KAZN: variants seen among roughly 807,000 people sequenced by gnomAD.
KAZN encodes the protein kazrin, periplakin interacting protein.
In KAZN, 40 loss-of-function variants were observed where a neutral mutation model predicts 87.4. That is an observed-to-expected ratio of 0.46 (90% CI 0.36 to 0.60). The LOEUF (loss-of-function observed/expected upper bound fraction) is 0.60. Ranked by LOEUF, KAZN falls within the 20% of genes least tolerant of loss-of-function variation. The probability of loss-of-function intolerance (pLI) is 0.00; values close to 1 mark genes in which losing one functional copy is unlikely to be tolerated. For synonymous variants in KAZN, 466 were observed against 458.3 expected (o/e 1.02, Z -0.22); for missense variants, 898 against 1,073.9 (o/e 0.84, Z 2.29).
chr1:14,207,840 G>T (rs929292976), intron 2 of KAZN, among the ~76,000 whole-genome samples: 1 of 152,206 alleles, frequency 6.6e-6, no homozygotes, highest in Non-Finnish European at 1.5e-5. Flanking sequence ...GGCCACACAA[G>T]ACCTGCTGTG....
chr1:14,421,199 C>T (rs887286271), intron 2 of KAZN, among the ~76,000 whole-genome samples: 1 of 152,210 alleles, frequency 6.6e-6, no homozygotes, highest in African/African-American at 2.4e-5. Flanking sequence ...AATTGTTTGC[C>T]CTCATTATTC....
chr1:14,864,373 G>A (rs1467431894), intron 1 of KAZN, among the ~76,000 whole-genome samples: 1 of 152,180 alleles, frequency 6.6e-6, no homozygotes, highest in Non-Finnish European at 1.5e-5. Flanking sequence ...GACCAGCCTG[G>A]CCAATATGGT....
chr1:14,170,728 A>ATT (rs57615340), intron 1 of KAZN, among the ~76,000 whole-genome samples: 65 of 151,414 alleles, frequency 4.3e-4, no homozygotes, highest in African/African-American at 5.8e-4. Flanking sequence ...TTCTGTAATT[A>ATT]TTTTTTTTTC....
chr1:14,858,954 C>T (rs1431843947), intron 1 of KAZN, among the ~76,000 whole-genome samples: 1 of 152,140 alleles, frequency 6.6e-6, no homozygotes, highest in African/African-American at 2.4e-5. Context: ...CGCCTGTAAT[C>T]CCAGCACTTT....
upstream of KAZN, among the ~76,000 whole-genome samples, chr1:14,595,783 TTCTA>T (rs1676474739): frequency 6.6e-6 from 1 of 152,090 alleles, no homozygotes; most frequent in Non-Finnish European, 1.5e-5. Context: ...ATTGCAGACT[TTCTA>T]TCTAAGATCT....
At chr1:14,871,471 T>C (rs1171018560) in intron 1 of KAZN, among the ~76,000 whole-genome samples, 4 of 151,994 alleles carry the variant, frequency 2.6e-5, no homozygotes, top group Non-Finnish European at 4.4e-5. Context: ...GTCGCTCTGG[T>C]CTGGGATTTT....
At chr1:14,147,158 A>C (rs1040250196) in intron 1 of KAZN, among the ~76,000 whole-genome samples, 2 of 152,250 alleles carry the variant, frequency 1.3e-5, no homozygotes, top group Admixed American at 6.5e-5. Context: ...ATATGTGTTA[A>C]TAGATATTTA....
At chr1:14,379,906 T>A (rs1463219627) in intron 2 of KAZN, among the ~76,000 whole-genome samples, 1 of 152,106 alleles carries the variant, frequency 6.6e-6, no homozygotes, top group East Asian at 1.9e-4. Flanking sequence ...GTGGTTATAG[T>A]GGGCCTTAGG....
intron 2 of KAZN, among the ~76,000 whole-genome samples, chr1:14,391,905 C>T (rs184626608): frequency 8.5e-5 from 13 of 152,252 alleles, no homozygotes; most frequent in Admixed American, 3.9e-4. Context: ...CAACCCTGGA[C>T]ACACACTAGT....
At chr1:14,150,718 C>T (rs1645454255) in intron 1 of KAZN, among the ~76,000 whole-genome samples, 1 of 152,190 alleles carries the variant, frequency 6.6e-6, no homozygotes, top group Admixed American at 6.5e-5. Flanking sequence ...CCTCAAACCA[C>T]CCAAATGCAA....
At chr1:14,376,059 C>T (rs948017792) in intron 2 of KAZN, among the ~76,000 whole-genome samples, 2 of 152,036 alleles carry the variant, frequency 1.3e-5, no homozygotes, top group African/African-American at 4.8e-5. Flanking sequence ...ACAGATAAGT[C>T]TGATGCAAGC....
intron 1 of KAZN, among the ~76,000 whole-genome samples, chr1:14,057,868 A>G (rs1031977815): frequency 5.3e-5 from 8 of 152,244 alleles, no homozygotes; most frequent in Non-Finnish European, 1.2e-4. Flanking sequence ...TAGGTCTTCA[A>G]TAGATATTTT....
chr1:14,944,060 A>G (rs970383417), intron 1 of KAZN, among the ~76,000 whole-genome samples: 2 of 152,044 alleles, frequency 1.3e-5, no homozygotes, highest in African/African-American at 2.4e-5. Flanking sequence ...GGTGACAGAA[A>G]GAGACTCTGT....
intron 2 of KAZN, among the ~76,000 whole-genome samples, chr1:15,032,530 C>T (rs1228866369): frequency 6.6e-6 from 1 of 152,004 alleles, no homozygotes; most frequent in Non-Finnish European, 1.5e-5. Flanking sequence ...TAATATATGG[C>T]CTTTAGTGGC....
At chr1:14,598,431 G>C (rs1233679102), upstream of KAZN, among the ~76,000 whole-genome samples, 1 of 152,142 alleles carries the variant, frequency 6.6e-6, no homozygotes, top group Non-Finnish European at 1.5e-5. This position sits in a 1 kb window ranked among gnomAD's most constrained non-coding sequence, Gnocchi z 4.2. Flanking sequence ...TCTCCAGGGC[G>C]GGGGCTGCCC....
At chr1:15,082,765 TCA>T (rs1394549817) in intron 8 of KAZN, among the ~76,000 whole-genome samples, 2 of 152,222 alleles carry the variant, frequency 1.3e-5, no homozygotes, top group Non-Finnish European at 2.9e-5. Flanking sequence ...TGATCTCGAC[TCA>T]CTGCAACTTC....
intron 1 of KAZN, among the ~76,000 whole-genome samples, chr1:14,097,311 G>A (rs1280766243): frequency 6.6e-6 from 1 of 152,188 alleles, no homozygotes; most frequent in Non-Finnish European, 1.5e-5. Flanking sequence ...GTCCAGGTGA[G>A]AAGTCACACT....
intron 2 of KAZN, among the ~76,000 whole-genome samples, chr1:14,578,236 T>A (rs1185774932): frequency 2.0e-5 from 3 of 152,064 alleles, no homozygotes; most frequent in Non-Finnish European, 4.4e-5. Flanking sequence ...GGAAAGTAAT[T>A]AATGGAAGTT....
chr1:14,356,405 A>G (rs4319325), intron 2 of KAZN, among the ~76,000 whole-genome samples: 148,596 of 152,278 alleles, frequency 0.98, 72,539 homozygotes, highest in African/African-American at 0.99. Flanking sequence ...AGTTTCTTTT[A>G]CTGTGCAGAA....
Sources: gnomAD v4.1 joint callset for allele counts (sites outside exome capture counted in the v4.1 genomes callset) on GRCh38, gnomAD v4.1.1 for gene constraint, Gnocchi (gnomAD v3.1) non-coding constraint, MANE v1.5 for transcripts, NCBI Gene and HGNC (gene_info 2026-07-23, HGNC 2026-07-21) for gene names.